The following DACH1 variants were observed in gnomAD, a reference collection of about 807,000 sequenced individuals.
The protein encoded by DACH1 is dachshund homolog 1.
DACH1 carries 12 observed loss-of-function variants against 54.2 expected under a neutral mutation model. The observed-to-expected ratio is 0.22, with a 90% CI of 0.14 to 0.36. The LOEUF is 0.36. DACH1 is among the 10% of genes least tolerant of loss of function. The pLI is 1.00. For missense variants in DACH1, 805 were observed against 929.8 expected (o/e 0.87, Z 1.75); for synonymous variants, 386 against 366.2 (o/e 1.05, Z -0.62).
At chr13:71,485,846 G>A (rs1369569155) in intron 7 of DACH1, among the ~76,000 whole-genome samples, 1 of 151,564 alleles carries the variant, frequency 6.6e-6, no homozygotes, top group Non-Finnish European at 1.5e-5. Flanking sequence ...CTCCCAAAGT[G>A]CTGGGATTAC....
intron 1 of DACH1, among the ~76,000 whole-genome samples, chr13:71,841,792 A>C (rs1267662835): frequency 6.6e-6 from 1 of 152,194 alleles, no homozygotes; most frequent in Non-Finnish European, 1.5e-5. Context: ...TATAAGTCCT[A>C]ATTCTTGACT....
intron 10 of DACH1, 100 bp downstream of exon 10, chr13:71,475,041 T>C: frequency 9.9e-7 from 1 of 1,012,374 alleles, no homozygotes; most frequent in Non-Finnish European, 1.5e-6. Flanking sequence ...CTTGTTTTGA[T>C]GTGGCCCAGA....
chr13:71,562,718 G>C (rs760966605), intron 4 of DACH1, among the ~76,000 whole-genome samples: 84 of 152,192 alleles, frequency 5.5e-4, no homozygotes, highest in Admixed American at 7.9e-4. Context: ...TGACTTAAAA[G>C]AGCAGAAACT....
chr13:71,782,836 A>G (rs577413024), intron 1 of DACH1, among the ~76,000 whole-genome samples: 1 of 152,330 alleles, frequency 6.6e-6, no homozygotes, highest in Non-Finnish European at 1.5e-5. Flanking sequence ...CAGGCTAATA[A>G]ACCAACGAGA....
chr13:71,663,019 T>C (rs1359753322), intron 2 of DACH1, among the ~76,000 whole-genome samples: 1 of 151,988 alleles, frequency 6.6e-6, no homozygotes, highest in African/African-American at 2.4e-5. Flanking sequence ...ATTTCACAAA[T>C]AAATTTTGAA....
At chr13:71,478,866 T>C (rs562809179) in intron 8 of DACH1, among the ~76,000 whole-genome samples, 7 of 152,316 alleles carry the variant, frequency 4.6e-5, no homozygotes, top group Admixed American at 3.9e-4. Flanking sequence ...TTTTTCTTCA[T>C]GGCTATCATT....
At chr13:71,650,176 TATC>T (rs1878573952) in intron 2 of DACH1, among the ~76,000 whole-genome samples, 1 of 152,150 alleles carries the variant, frequency 6.6e-6, no homozygotes, top group Admixed American at 6.5e-5. Flanking sequence ...TAACTAATAA[TATC>T]ATGTGTATTT....
At chr13:71,522,620 A>G (rs997844237) in intron 6 of DACH1, among the ~76,000 whole-genome samples, 5 of 152,052 alleles carry the variant, frequency 3.3e-5, no homozygotes, top group African/African-American at 1.2e-4. Flanking sequence ...AGTTTATTAA[A>G]CAGATTTCAC....
intron 2 of DACH1, among the ~76,000 whole-genome samples, chr13:71,649,511 T>C (rs7329127): frequency 0.029 from 4,347 of 152,256 alleles, 150 homozygotes; most frequent in Admixed American, 0.079. Flanking sequence ...GTACACATAA[T>C]GAACTTCAAC....
At chr13:71,524,499 T>G (rs994148479) in intron 6 of DACH1, among the ~76,000 whole-genome samples, 2 of 152,164 alleles carry the variant, frequency 1.3e-5, no homozygotes, top group Admixed American at 1.3e-4. Flanking sequence ...TTCGATACTG[T>G]AATTCAATGA....
intron 1 of DACH1, among the ~76,000 whole-genome samples, chr13:71,822,894 T>C (rs1888245401): frequency 6.6e-6 from 1 of 152,078 alleles, no homozygotes; most frequent in East Asian, 1.9e-4. Context: ...AAAATCATAA[T>C]CTGAAAATAA....
intron 3 of DACH1, among the ~76,000 whole-genome samples, chr13:71,580,142 A>ATT (rs1487932936): frequency 4.6e-5 from 7 of 152,328 alleles, no homozygotes; most frequent in East Asian, 3.9e-4. Context: ...CAATGTAGAA[A>ATT]TGACCACACA....
chr13:71,708,380 T>C (rs1030764547), intron 1 of DACH1, among the ~76,000 whole-genome samples: 14 of 152,178 alleles, frequency 9.2e-5, no homozygotes, highest in Non-Finnish European at 2.9e-5. Context: ...TAGTAAATTA[T>C]TATTTTAAAG....
rs560759501 is a variant in DACH1 at position 71,443,163 on chromosome 13, C to G, written c.2084-2471G>C. Among the ~76,000 whole-genome samples the G allele has an allele frequency of 4.4e-3, 667 of 151,112 alleles. 4 individuals carry two copies. Among genetic ancestry groups the G allele is most frequent in the African/African-American group, 0.016 (647 of 41,310 alleles). On this transcript the variant is annotated intron_variant, in intron 10 of 10. Transcript: ENST00000613252. ...AATCCACAATTTTCCCTCCCAGAGG[C>G]AGGGATGTCCATGAGATTAGCCTCA... is the stretch of plus-strand genomic sequence containing the variant.
chr13:71,795,332 A>T (rs1887001319), intron 1 of DACH1, among the ~76,000 whole-genome samples: 1 of 152,112 alleles, frequency 6.6e-6, no homozygotes, highest in South Asian at 2.1e-4. Flanking sequence ...ATTCCATACA[A>T]TTCACCTACA....
intron 3 of DACH1, among the ~76,000 whole-genome samples, chr13:71,618,455 G>A (rs1278730349): frequency 1.3e-5 from 2 of 152,006 alleles, no homozygotes; most frequent in African/African-American, 4.8e-5. Flanking sequence ...AGAAGTTAAA[G>A]TCTTTCAATG....
intron 1 of DACH1, among the ~76,000 whole-genome samples, chr13:71,809,524 G>C (rs909012362): frequency 6.6e-6 from 1 of 152,034 alleles, no homozygotes. Context: ...AGTTGAAAAT[G>C]GTGCCACAAA....
chr13:71,688,888 T>C (rs1881322807), intron 1 of DACH1, among the ~76,000 whole-genome samples: 1 of 152,232 alleles, frequency 6.6e-6, no homozygotes, highest in Non-Finnish European at 1.5e-5. Flanking sequence ...TAAGCATATG[T>C]ATGTTTTGTG....
chr13:71,573,038 A>T (rs1469736337), intron 3 of DACH1, 26 bp from the exon 4 acceptor site: 14 of 1,604,924 alleles, frequency 8.7e-6, no homozygotes, highest in Non-Finnish European at 1.2e-5. Flanking sequence ...ATATATCATC[A>T]TTGCTCTGGA....
Sources: allele counts gnomAD v4.1 joint callset (sites outside exome capture counted in the v4.1 genomes callset), GRCh38; gene constraint gnomAD v4.1.1; transcripts MANE v1.5; gene names NCBI Gene and HGNC (gene_info 2026-07-23, HGNC 2026-07-21).